PARP14: variants seen among roughly 807,000 people sequenced by gnomAD.
PARP14 encodes the protein protein mono-ADP-ribosyltransferase PARP14.
A neutral mutation model predicts 154.2 loss-of-function variants in PARP14; 59 were observed. The observed-to-expected ratio is 0.38, with a 90% CI of 0.31 to 0.48. The LOEUF (loss-of-function observed/expected upper bound fraction) is 0.48, where lower values mean the gene tolerates loss of function less well. PARP14 is among the 20% of genes least tolerant of loss of function. The probability of loss-of-function intolerance (pLI) is 0.98; values close to 1 mark genes in which losing one functional copy is unlikely to be tolerated. For missense variants in PARP14, 1,734 were observed against 2,131.6 expected, an observed-to-expected ratio of 0.81 and a Z score of 3.67; for synonymous variants, 720 against 780.5, an observed-to-expected ratio of 0.92 and a Z score of 1.29.
chr3:122,715,197 C>T (rs545965591), intron 12 of PARP14, among the ~76,000 whole-genome samples: 35 of 152,154 alleles, frequency 2.3e-4, no homozygotes, highest in African/African-American at 7.5e-4. Context: ...CCTGCTTGGT[C>T]TCCTTCAGAG....
chr3:122,707,599 C>A (rs1339228370), intron 8 of PARP14, among the ~76,000 whole-genome samples: 2 of 152,152 alleles, frequency 1.3e-5, no homozygotes, highest in East Asian at 3.9e-4. Context: ...ATAGGGAGAT[C>A]CTGTTTCTAC....
At chr3:122,716,420 G>C (rs1054466135) in intron 12 of PARP14, among the ~76,000 whole-genome samples, 2 of 152,122 alleles carry the variant, frequency 1.3e-5, no homozygotes, top group Admixed American at 1.3e-4. Flanking sequence ...CATCTGCAAG[G>C]CACCATGTTT....
chr3:122,693,053 A>G (rs1321532587), intron 4 of PARP14, among the ~76,000 whole-genome samples: 3 of 152,208 alleles, frequency 2.0e-5, no homozygotes, highest in East Asian at 3.8e-4. Flanking sequence ...TGAGATTATT[A>G]TTATTGATCC....
At chr3:122,692,957 A>G (rs1027772369) in intron 4 of PARP14, among the ~76,000 whole-genome samples, 5 of 152,218 alleles carry the variant, frequency 3.3e-5, no homozygotes, top group African/African-American at 7.2e-5. Flanking sequence ...TAATGATAAC[A>G]CACTCTCATA....
intron 14 of PARP14, among the ~76,000 whole-genome samples, chr3:122,719,476 T>A (rs975666143): frequency 2.0e-5 from 3 of 152,176 alleles, no homozygotes; most frequent in African/African-American, 7.2e-5. Context: ...TTGACACACA[T>A]GGCAGGAAGC....
At position 122,718,819 on chromosome 3, in the gene PARP14, A is replaced by T; in HGVS notation, c.4668A>T (p.Leu1556Phe). Residue 1556 changes from leucine (L) to phenylalanine (F), a missense_variant, in exon 14 of 17, where the codon TTA becomes TTT. By Grantham distance (22) the Leu-to-Phe change is conservative (BLOSUM62 0). This residue lies in a region of PARP14 where 1,646 missense variants were observed against 1,976.0 expected (regional missense o/e 0.83). Coordinates refer to ENST00000474629, the MANE Select transcript of PARP14 (RefSeq NM_017554.3). ...HCFNKMTNLKLEDARREKKKT... is the reference protein window; with the variant it reads ...HCFNKMTNLKFEDARREKKKT... ...TTAACAAAATGACCAATCTGAAATTAGAGGATGCAAGGAGAGAAAAGAAAA... is the reference window on the plus strand; with the variant it reads ...TTAACAAAATGACCAATCTGAAATTTGAGGATGCAAGGAGAGAAAAGAAAA... The T allele has an allele frequency of 6.2e-7, 1 of 1,613,962 alleles. No homozygotes were observed. Among genetic ancestry groups the T allele is most frequent in the Non-Finnish European group, 8.5e-7 (1 of 1,179,848 alleles).
chr3:122,681,905 A>G lies in PARP14; in HGVS notation c.187+835A>G, dbSNP rs993825042. Among the ~76,000 whole-genome samples, 3 of 152,298 alleles carry G rather than the reference A, an allele frequency of 2.0e-5. No individual in the cohort carries two copies. Among genetic ancestry groups the G allele is most frequent in the East Asian group, 3.9e-4 (2 of 5,174 alleles). ...CAGAATGGGCACCTTTTCCACTGGC[A>G]TCTTATGGATGATGACCTATCGGGA... is the stretch of plus-strand genomic sequence containing the variant. On this transcript the variant is annotated intron_variant, in intron 1 of 16. Transcript: ENST00000474629. This position sits in a 1 kb window ranked among gnomAD's most constrained non-coding sequence, Gnocchi z 5.5.
chr3:122,690,411 A>G (rs893756046), intron 3 of PARP14, among the ~76,000 whole-genome samples: 6 of 152,152 alleles, frequency 3.9e-5, no homozygotes, highest in African/African-American at 1.4e-4. Flanking sequence ...TTAATTTAGC[A>G]TGAGTGTGTG....
chr3:122,687,583 C>A (rs1441823119), intron 3 of PARP14, among the ~76,000 whole-genome samples: 3 of 152,144 alleles, frequency 2.0e-5, no homozygotes, highest in Admixed American at 1.3e-4. Context: ...AGCATTGGTG[C>A]AGGATTGGAT....
At chr3:122,715,136 G>A (rs1364284252) in intron 12 of PARP14, among the ~76,000 whole-genome samples, 2 of 152,028 alleles carry the variant, frequency 1.3e-5, no homozygotes. Flanking sequence ...GGGTACATGG[G>A]CAGAATGTGC....
At chr3:122,714,221 A>C in intron 11 of PARP14, 41 bp from the exon 12 acceptor site, 1 of 1,535,614 alleles carries the variant, frequency 6.5e-7, no homozygotes, top group Non-Finnish European at 8.8e-7. Flanking sequence ...TGACGGGTTC[A>C]ACTTCTACTA....
In PARP14 at chr3:122,718,378, G is replaced by C. The variant is rs1472277475; in HGVS notation, c.4227G>C (p.Lys1409Asn). 4 of 1,612,394 alleles carry C rather than the reference G, an allele frequency of 2.5e-6. No homozygotes were observed. The highest frequency in any genetic ancestry group is 2.5e-6 in the Non-Finnish European group (3 of 1,179,362). ...TTTTAGCATTTTTGGGCTTTTCAAA[G>C]CAATCTCCCCAAAAAAAGAATCATT... ...SKLASFLGFS[K>N]QSPQKKNHLV... Residue 1409 changes from lysine (K) to asparagine (N), a missense_variant, in exon 14 of 17, where the codon AAG becomes AAC. Around this residue, in one of 2 missense-constraint regions of PARP14, gnomAD observed 1,646 missense variants for 1,976.0 expected, o/e 0.83. Transcript: ENST00000474629.
chr3:122,701,583 C>A lies in PARP14; in HGVS notation c.3029C>A (p.Ser1010Tyr), dbSNP rs1376084937. ...KTSWEKGSLVSPGGLQMLLVK... is the reference protein window; with the variant it reads ...KTSWEKGSLVYPGGLQMLLVK... ...TCATGGGAAAAAGGAAGCCTGGTGT[C>A]CCCGGGAGGCCTGCAGATGCTGTTG... is the stretch of plus-strand genomic sequence containing the variant. Residue 1010 changes from serine to tyrosine, a missense_variant, in exon 6 of 17, where the codon TCC (serine) becomes TAC (tyrosine). Physicochemically the swap from Ser to Tyr is moderately radical, Grantham distance 144. Transcript: ENST00000474629. This position sits in a 1 kb window ranked among gnomAD's most constrained non-coding sequence, Gnocchi z 4.0. 1 of 1,606,544 alleles carries A rather than the reference C, an allele frequency of 6.2e-7. No homozygotes were observed. The highest frequency in any genetic ancestry group is 8.5e-7 in the Non-Finnish European group (1 of 1,176,114).
In PARP14 at chr3:122,703,824, G is replaced by A. The variant is rs776806683; in HGVS notation, c.3164G>A (p.Gly1055Glu). 3.1e-6 allele frequency: 5 copies of A among 1,613,950 alleles called. No homozygotes were observed. The highest frequency in any genetic ancestry group is 4.2e-6 in the Non-Finnish European group (5 of 1,179,860). The stretch of plus-strand genomic sequence containing the variant: ...TCTAAGTCCCTCTTGGAAAAAGCTG[G>A]ACCAGAGCTCCAGGAGGAATTGGAC... ...PLSKSLLEKA[G>E]PELQEELDTV... Residue 1055 changes from glycine to glutamate, a missense_variant, in exon 7 of 17, where the codon GGA becomes GAA. Transcript: ENST00000474629.
At chr3:122,694,615 C>T (rs1200944035) in intron 4 of PARP14, among the ~76,000 whole-genome samples, 1 of 152,118 alleles carries the variant, frequency 6.6e-6, no homozygotes, top group Non-Finnish European at 1.5e-5. Flanking sequence ...TCTCAGCTCA[C>T]TACAAGTGAT....
intron 15 of PARP14, chr3:122,720,965 G>T: frequency 3.0e-6 from 1 of 328,682 alleles, no homozygotes; most frequent in Non-Finnish European, 6.1e-6. Context: ...CAATTATTTT[G>T]GCATCTTCTT....
Position 122,714,282 on chromosome 3 carries a change from T to G in PARP14, c.3853T>G (p.Tyr1285Asp). Residue 1285 changes from tyrosine (Y) to aspartate (D), a missense_variant, in exon 12 of 17, where the codon TAT (tyrosine) becomes GAT (aspartate). Coordinates refer to ENST00000474629, the MANE Select transcript of PARP14 (RefSeq NM_017554.3). ...CCCAGCTCAGCAGCGCAAAAATGATTATATAATCACCGGAGGTGGATTTTT... is the reference window on the plus strand; with the variant it reads ...CCCAGCTCAGCAGCGCAAAAATGATGATATAATCACCGGAGGTGGATTTTT... ...SQQAQQRKND[Y>D]IITGGGFLRC... 1 of 1,598,632 alleles carries G rather than the reference T, an allele frequency of 6.3e-7. No homozygotes were observed. The highest frequency in any genetic ancestry group is 8.5e-7 in the Non-Finnish European group (1 of 1,175,826).
rs147562124 is a variant in PARP14 at position 122,696,645 on chromosome 3, G to A, written c.835+983G>A. ...ATTAACCTCCCAGTTTGTGGTGAGA[G>A]TTGATATTTTCAGGGCTTTCAAACA... is the stretch of plus-strand genomic sequence containing the variant. On this transcript the variant is annotated intron_variant, in intron 5 of 16. Transcript: ENST00000474629. 3.3e-3 allele frequency among the ~76,000 whole-genome samples: 506 copies of A among 152,304 alleles called. 3 individuals carry two copies. Among genetic ancestry groups the A allele is most frequent in the African/African-American group, 0.01 (431 of 41,566 alleles).
At chr3:122,713,190 C>T (rs1016185192) in intron 9 of PARP14, among the ~76,000 whole-genome samples, 1 of 152,184 alleles carries the variant, frequency 6.6e-6, no homozygotes, top group Non-Finnish European at 1.5e-5. Flanking sequence ...CTATAGTACG[C>T]TAACTTCACC....
Sources: allele counts gnomAD v4.1 joint callset (sites outside exome capture counted in the v4.1 genomes callset), GRCh38; gene constraint gnomAD v4.1.1; regional missense constraint gnomAD v4.1.1; non-coding constraint Gnocchi (gnomAD v3.1); transcripts MANE v1.5; gene names NCBI Gene and HGNC (gene_info 2026-07-23, HGNC 2026-07-21).